ATRNL1: variants seen among roughly 807,000 people sequenced by gnomAD.
ATRNL1 encodes the protein attractin-like protein 1.
Under a neutral mutation model 182.7 loss-of-function variants are expected in ATRNL1, and 95 were observed. That is an observed-to-expected ratio of 0.52 (90% CI 0.44 to 0.62). The LOEUF (loss-of-function observed/expected upper bound fraction) is 0.62. Ranked by LOEUF, ATRNL1 falls within the 20% of genes least tolerant of loss-of-function variation. The pLI is 0.00. For synonymous variants in ATRNL1, 576 were observed against 568.3 expected, an observed-to-expected ratio of 1.01 and a Z score of -0.19; for missense variants, 1,471 against 1,679.5, an observed-to-expected ratio of 0.88 and a Z score of 2.17.
At chr10:115,399,348 A>G (rs1554956383) in intron 20 of ATRNL1, among the ~76,000 whole-genome samples, 2 of 151,928 alleles carry the variant, frequency 1.3e-5, no homozygotes, top group Non-Finnish European at 2.9e-5. Flanking sequence ...TCAATTTCAG[A>G]GCTGATTATT....
intron 26 of ATRNL1, among the ~76,000 whole-genome samples, chr10:115,694,911 TCACACA>T (rs371950891): frequency 2.3e-5 from 3 of 131,650 alleles, no homozygotes; most frequent in Non-Finnish European, 3.2e-5. Context: ...TGTTATAAAA[TCACACA>T]CACACACACA....
intron 19 of ATRNL1, among the ~76,000 whole-genome samples, chr10:115,349,665 A>G (rs1457341625): frequency 6.6e-6 from 1 of 152,156 alleles, no homozygotes; most frequent in East Asian, 1.9e-4. Flanking sequence ...AAGCCATTTT[A>G]ACTGTGGTGA....
intron 27 of ATRNL1, among the ~76,000 whole-genome samples, chr10:115,801,075 G>A (rs1949781376): frequency 6.6e-6 from 1 of 152,160 alleles, no homozygotes; most frequent in Admixed American, 6.5e-5. Flanking sequence ...GTCATTGTCT[G>A]CACCTAAACA....
chr10:115,617,267 T>C (rs575340753), intron 26 of ATRNL1, among the ~76,000 whole-genome samples: 2 of 152,332 alleles, frequency 1.3e-5, no homozygotes, highest in Admixed American at 1.3e-4. Flanking sequence ...CTGTAACCAC[T>C]TTCTTTTGGC....
intron 26 of ATRNL1, among the ~76,000 whole-genome samples, chr10:115,722,228 T>C (rs998834230): frequency 6.6e-6 from 1 of 151,110 alleles, no homozygotes; most frequent in Admixed American, 6.7e-5. Flanking sequence ...AAACACAGCA[T>C]ATTGCCGGCA....
chr10:115,094,690 C>A (rs147125808), intron 1 of ATRNL1, among the ~76,000 whole-genome samples: 1 of 152,232 alleles, frequency 6.6e-6, no homozygotes, highest in African/African-American at 2.4e-5. Context: ...GGAGAGAAAT[C>A]GAGGCGATAC....
At chr10:115,115,299 T>C (rs1293536833) in intron 1 of ATRNL1, among the ~76,000 whole-genome samples, 1 of 152,028 alleles carries the variant, frequency 6.6e-6, no homozygotes, top group Non-Finnish European at 1.5e-5. Context: ...GAAGAATAAG[T>C]GTTCTATTAT....
intron 26 of ATRNL1, among the ~76,000 whole-genome samples, chr10:115,670,430 T>C (rs1945659308): frequency 6.6e-6 from 1 of 152,160 alleles, no homozygotes; most frequent in Non-Finnish European, 1.5e-5. Flanking sequence ...TATTTAACAT[T>C]TTAAGTTGCA....
intron 26 of ATRNL1, among the ~76,000 whole-genome samples, chr10:115,683,333 A>G (rs989998990): frequency 2.0e-5 from 3 of 151,910 alleles, no homozygotes; most frequent in African/African-American, 7.2e-5. Context: ...CATTTATATA[A>G]TTTTTATTAT....
Position 115,093,740 on chromosome 10 carries a change from C to T in ATRNL1, c.-11C>T. ...CGAGCGCAGTCTCGCCGGGCAGGGG[C>T]GCCGGGGAAGATGGAGACTGGGGGC... On this transcript the variant is annotated 5_prime_UTR_variant, in exon 1 of 29. Coordinates refer to ENST00000355044, the MANE Select transcript of ATRNL1 (RefSeq NM_207303.4). The surrounding 1 kb of genome is among the most constrained non-coding windows in gnomAD (Gnocchi z 6.1). The T allele has an allele frequency of 1.4e-6, 2 of 1,412,888 alleles. No homozygotes were observed. The highest frequency in any genetic ancestry group is 1.8e-6 in the Non-Finnish European group (2 of 1,090,836). The allele number at this position is 1,412,888 out of a possible 1,614,324, so 87.5% of individuals were successfully genotyped here.
chr10:115,601,972 ATT>A (rs554486967), intron 26 of ATRNL1, among the ~76,000 whole-genome samples: 2 of 136,306 alleles, frequency 1.5e-5, no homozygotes. Context: ...TACTTTTTGG[ATT>A]TTTTTTTTTT....
chr10:115,154,049 G>A (rs1592178648), intron 5 of ATRNL1, among the ~76,000 whole-genome samples: 1 of 151,364 alleles, frequency 6.6e-6, no homozygotes, highest in Middle Eastern at 3.4e-3. Context: ...CTGAGTTCTA[G>A]TTTGATTGCA....
At chr10:115,410,597 G>T (rs1554959672) in intron 20 of ATRNL1, among the ~76,000 whole-genome samples, 1 of 151,938 alleles carries the variant, frequency 6.6e-6, no homozygotes, top group African/African-American at 2.4e-5. Flanking sequence ...GGGATTACAG[G>T]CATGAGCCAC....
At chr10:115,482,496 TACTG>T (rs1848814987) in intron 24 of ATRNL1, among the ~76,000 whole-genome samples, 1 of 151,052 alleles carries the variant, frequency 6.6e-6, no homozygotes, top group Admixed American at 6.6e-5. Flanking sequence ...ATATTTATAA[TACTG>T]AATCATATGT....
intron 10 of ATRNL1, among the ~76,000 whole-genome samples, chr10:115,244,743 C>A (rs1554903686): frequency 6.6e-6 from 1 of 152,134 alleles, no homozygotes; most frequent in Non-Finnish European, 1.5e-5. Context: ...ATGGCACCTT[C>A]TTCAAGGTTA....
chr10:115,296,526 A>G (rs1853201147), intron 15 of ATRNL1, among the ~76,000 whole-genome samples: 1 of 152,228 alleles, frequency 6.6e-6, no homozygotes, highest in Non-Finnish European at 1.5e-5. Context: ...ATGAGTATCA[A>G]TAATGGATAA....
At chr10:115,577,555 T>G (rs1854793337) in intron 26 of ATRNL1, among the ~76,000 whole-genome samples, 1 of 151,606 alleles carries the variant, frequency 6.6e-6, no homozygotes, top group South Asian at 2.1e-4. Context: ...GCAACTGATC[T>G]TACCATGTTG....
At chr10:115,752,194 T>C (rs1389916308) in intron 27 of ATRNL1, among the ~76,000 whole-genome samples, 3 of 152,036 alleles carry the variant, frequency 2.0e-5, no homozygotes, top group East Asian at 3.8e-4. Flanking sequence ...TTATTCAGAA[T>C]TCATTATGAC....
chr10:115,790,945 C>T (rs1555081663), intron 27 of ATRNL1, among the ~76,000 whole-genome samples: 1 of 152,226 alleles, frequency 6.6e-6, no homozygotes, highest in Admixed American at 6.5e-5. Context: ...AGTGCAGTTC[C>T]TATATGATTT....
Sources: gnomAD v4.1 joint callset for allele counts (sites outside exome capture counted in the v4.1 genomes callset) on GRCh38, gnomAD v4.1.1 for gene constraint, Gnocchi (gnomAD v3.1) non-coding constraint, MANE v1.5 for transcripts, NCBI Gene and HGNC (gene_info 2026-07-23, HGNC 2026-07-21) for gene names.